Variants in SAMD3 observed in about 807,000 individuals in gnomAD.
SAMD3 encodes the protein sterile alpha motif domain-containing protein 3.
In SAMD3, 63 loss-of-function variants were observed where a neutral mutation model predicts 58.5. The observed-to-expected ratio is 1.08, with a 90% CI of 0.88 to 1.33. The LOEUF (loss-of-function observed/expected upper bound fraction) is 1.33, where lower values mean the gene tolerates loss of function less well. Among genes scored for constraint, SAMD3 ranks in the 40% most tolerant of loss-of-function variants. The pLI is 0.00. For synonymous variants in SAMD3, 220 were observed against 210.3 expected (o/e 1.05, Z -0.40); for missense variants, 604 against 608.4 (o/e 0.99, Z 0.08).
chr6:130,227,930 A>G (rs1248006174), upstream of SAMD3, among the ~76,000 whole-genome samples: 1 of 152,130 alleles, frequency 6.6e-6, no homozygotes, highest in East Asian at 1.9e-4. Flanking sequence ...GAAACGAGAG[A>G]ATTTCAGAAA....
At chr6:130,244,599 G>T (rs575521659) in intron 2 of SAMD3, among the ~76,000 whole-genome samples, 98 of 152,120 alleles carry the variant, frequency 6.4e-4, no homozygotes, top group African/African-American at 2.3e-3. Flanking sequence ...AATTAGCCGG[G>T]TGTGGTGCTG....
exon 1 of SAMD3, chr6:130,365,367 G>A: frequency 1.0e-6 from 1 of 985,498 alleles, no homozygotes; most frequent in African/African-American, 1.7e-5. Flanking sequence ...GCCGTTCTCC[G>A]GAACCCCTTG....
chr6:130,262,419 T>C (rs1363041669), intron 2 of SAMD3, among the ~76,000 whole-genome samples: 1 of 151,712 alleles, frequency 6.6e-6, no homozygotes, highest in Non-Finnish European at 1.5e-5. Flanking sequence ...CTCAAAAATC[T>C]TAAAATATGG....
intron 1 of SAMD3, among the ~76,000 whole-genome samples, chr6:130,351,182 TA>T (rs1777649919): frequency 6.6e-6 from 1 of 152,126 alleles, no homozygotes; most frequent in South Asian, 2.1e-4. Flanking sequence ...ACTTTTTGTC[TA>T]AAACACCAAA....
At chr6:130,357,700 T>A (rs72992448) in intron 1 of SAMD3, among the ~76,000 whole-genome samples, 2 of 152,238 alleles carry the variant, frequency 1.3e-5, no homozygotes, top group East Asian at 3.8e-4. Flanking sequence ...CTAATGTGTA[T>A]CTTCCCTCTC....
chr6:130,152,026 T>TTC (rs1562369365), intron 9 of SAMD3, among the ~76,000 whole-genome samples: 1 of 152,042 alleles, frequency 6.6e-6, no homozygotes, highest in African/African-American at 2.4e-5. Context: ...TTTAAATGCC[T>TTC]TGTTGAAAGA....
intron 1 of SAMD3, among the ~76,000 whole-genome samples, chr6:130,315,842 C>T (rs374089436): frequency 6.6e-6 from 1 of 152,068 alleles, no homozygotes; most frequent in African/African-American, 2.4e-5. Flanking sequence ...AATTCTATAA[C>T]GATGAGCTCC....
At chr6:130,173,090 G>C (rs1791392783) in intron 8 of SAMD3, among the ~76,000 whole-genome samples, 1 of 152,128 alleles carries the variant, frequency 6.6e-6, no homozygotes. Context: ...CTAGTTAACA[G>C]TTCCTGTAAC....
chr6:130,329,397 C>A (rs968284823), intron 1 of SAMD3, among the ~76,000 whole-genome samples: 1 of 151,932 alleles, frequency 6.6e-6, no homozygotes, highest in Non-Finnish European at 1.5e-5. Context: ...TAAAAAGCAC[C>A]CAAAATGAGG....
chr6:130,327,266 T>A (rs542163775), intron 1 of SAMD3, among the ~76,000 whole-genome samples: 1 of 151,910 alleles, frequency 6.6e-6, no homozygotes, highest in African/African-American at 2.4e-5. Context: ...ATTTAAACTT[T>A]AAAAAAAATC....
At chr6:130,326,434 T>C (rs1021074143) in intron 1 of SAMD3, among the ~76,000 whole-genome samples, 5 of 151,828 alleles carry the variant, frequency 3.3e-5, no homozygotes, top group Admixed American at 2.6e-4. Context: ...TATTTTTTAG[T>C]AACTTTTTTC....
chr6:130,240,605 A>G (rs1232635781), intron 2 of SAMD3, among the ~76,000 whole-genome samples: 3 of 152,210 alleles, frequency 2.0e-5, no homozygotes, highest in African/African-American at 7.2e-5. Flanking sequence ...GTAATTCCCA[A>G]TGTGACTGTG....
At chr6:130,163,777 A>G (rs1790475037) in intron 8 of SAMD3, among the ~76,000 whole-genome samples, 1 of 151,898 alleles carries the variant, frequency 6.6e-6, no homozygotes, top group Non-Finnish European at 1.5e-5. Context: ...TTGTAAGATA[A>G]ATCCAAAGAA....
intron 8 of SAMD3, among the ~76,000 whole-genome samples, chr6:130,159,045 G>A (rs1051671088): frequency 2.0e-5 from 3 of 152,146 alleles, no homozygotes; most frequent in Non-Finnish European, 4.4e-5. Flanking sequence ...GTTGCAAGAG[G>A]GGACCAATCA....
At chr6:130,298,924 C>T (rs467656) in intron 2 of SAMD3, among the ~76,000 whole-genome samples, 6 of 151,876 alleles carry the variant, frequency 4.0e-5, no homozygotes, top group Admixed American at 2.6e-4. Flanking sequence ...TTCAACACTG[C>T]GTATGCACTG....
At chr6:130,191,576 C>G (rs1172810714) in intron 5 of SAMD3, among the ~76,000 whole-genome samples, 2 of 150,510 alleles carry the variant, frequency 1.3e-5, no homozygotes, top group Admixed American at 6.6e-5. Context: ...TTCAGTATTT[C>G]TTTTCGAATT....
At chr6:130,228,703 G>A (rs1027823291) in intron 2 of SAMD3, among the ~76,000 whole-genome samples, 1 of 152,334 alleles carries the variant, frequency 6.6e-6, no homozygotes, top group East Asian at 1.9e-4. Context: ...TCCTTCTTGA[G>A]TCTTCTCTTC....
At position 130,222,695 on chromosome 6, in the gene SAMD3, G is replaced by A. The variant is rs1299506273; in HGVS notation, c.-69C>T. ...GAAAAGGTAAAAAGTGATATTTACG[G>A]ATTATTGCTGGAGAGGCTTTTGGTC... is the stretch of plus-strand genomic sequence containing the variant. On this transcript the variant is annotated splice_region_variant and 5_prime_UTR_variant, in exon 1 of 12. Coordinates refer to ENST00000439090, the MANE Select transcript of SAMD3 (RefSeq NM_001017373.4). The A allele has an allele frequency of 6.6e-6, 1 of 152,202 alleles. No individual in the cohort carries two copies. Among genetic ancestry groups the A allele is most frequent in the Non-Finnish European group, 1.5e-5 (1 of 68,036 alleles). 9.4% of individuals were successfully genotyped at this position (152,202 alleles called of 1,614,324 possible).
chr6:130,351,428 A>C (rs1777659855), intron 1 of SAMD3, among the ~76,000 whole-genome samples: 1 of 152,212 alleles, frequency 6.6e-6, no homozygotes, highest in Non-Finnish European at 1.5e-5. Context: ...ATATGAACAG[A>C]CACTTCTCAA....
Sources: gnomAD v4.1 joint callset for allele counts (sites outside exome capture counted in the v4.1 genomes callset) on GRCh38, gnomAD v4.1.1 for gene constraint, MANE v1.5 for transcripts, NCBI Gene and HGNC (gene_info 2026-07-23, HGNC 2026-07-21) for gene names.